The following GPR89A variants were observed in gnomAD, a reference collection of about 807,000 sequenced individuals.
The protein encoded by GPR89A is G protein-coupled receptor 89A.
Under a neutral mutation model 52.0 loss-of-function variants are expected in GPR89A, and 16 were observed. The observed-to-expected ratio is 0.31, with a 90% CI of 0.21 to 0.47. GPR89A has a LOEUF of 0.47. Among genes scored for constraint, GPR89A ranks in the 20% least tolerant of loss-of-function variants. The pLI, the probability that GPR89A is intolerant of heterozygous loss-of-function variation, is 1.00. For missense variants in GPR89A, 135 were observed against 449.4 expected, an observed-to-expected ratio of 0.30 and a Z score of 6.33; for synonymous variants, 55 against 150.9, an observed-to-expected ratio of 0.36 and a Z score of 4.66.
intron 1 of GPR89A, among the ~76,000 whole-genome samples, chr1:145,614,655 A>T (rs1179188872): frequency 6.6e-6 from 1 of 152,044 alleles, no homozygotes; most frequent in African/African-American, 2.4e-5. Context: ...ATGTCAAAAA[A>T]TATTTAAATC....
intron 10 of GPR89A, among the ~76,000 whole-genome samples, chr1:145,654,174 G>A (rs1217046535): frequency 2.6e-5 from 4 of 151,558 alleles, no homozygotes; most frequent in Non-Finnish European, 5.9e-5. Context: ...CTCAGCATTT[G>A]CTTGTCTGAA....
At chr1:145,614,856 G>C (rs1156235712) in intron 1 of GPR89A, among the ~76,000 whole-genome samples, 2 of 152,074 alleles carry the variant, frequency 1.3e-5, no homozygotes, top group Non-Finnish European at 2.9e-5. Flanking sequence ...CGATGTGAAA[G>C]AATATGGATC....
chr1:145,619,303 T>TAAAAAA (rs1190730355), intron 3 of GPR89A, among the ~76,000 whole-genome samples: 1 of 18,650 alleles, frequency 5.4e-5, no homozygotes, highest in African/African-American at 8.4e-5. Context: ...ATTGAAAGGT[T>TAAAAAA]AAAAAAAAAA....
chr1:145,617,114 G>A (rs1361168418), intron 2 of GPR89A, among the ~76,000 whole-genome samples: 3 of 152,046 alleles, frequency 2.0e-5, no homozygotes, highest in Non-Finnish European at 4.4e-5. Context: ...AGGAGACCAG[G>A]GTGTATTTTA....
intron 10 of GPR89A, among the ~76,000 whole-genome samples, chr1:145,657,151 TG>T (rs1651861860): frequency 6.7e-6 from 1 of 150,184 alleles, no homozygotes; most frequent in South Asian, 2.1e-4. Context: ...CCCAGTACTT[TG>T]GGAGGCTGAA....
Position 145,645,401 on chromosome 1 carries a change from A to G in GPR89A, c.728-783A>G, listed in dbSNP as rs116518973. The G allele has an allele frequency of 8.7e-3, 3,128 of 358,068 alleles. 84 individuals are homozygous for G. The highest frequency in any genetic ancestry group is 0.062 in the African/African-American group (2,891 of 46,826). 22.2% of individuals were successfully genotyped at this position (358,068 alleles called of 1,614,324 possible). A position where few individuals can be genotyped will look rare whatever the true frequency, so the allele number is the denominator to read the frequency against. Reference sequence around the variant, plus strand: ...CTGTATTTACTATGTTTATTACTTAAAAGTTCATAAAAGCCAATAATACGG... The same window carrying G: ...CTGTATTTACTATGTTTATTACTTAGAAGTTCATAAAAGCCAATAATACGG... On this transcript the variant is annotated intron_variant, in intron 8 of 13. Transcript: ENST00000313835.
At chr1:145,660,397 G>T (rs1174548902) in intron 10 of GPR89A, among the ~76,000 whole-genome samples, 2 of 152,116 alleles carry the variant, frequency 1.3e-5, no homozygotes, top group African/African-American at 4.8e-5. Flanking sequence ...CATGGGCAAG[G>T]ACTTCATGTC....
At chr1:145,650,183 T>G (rs1414070178) in intron 10 of GPR89A, among the ~76,000 whole-genome samples, 1 of 151,570 alleles carries the variant, frequency 6.6e-6, no homozygotes, top group Non-Finnish European at 1.5e-5. Context: ...TCCCTCCCTG[T>G]GTCTGTGTGT....
chr1:145,669,380 G>GA (rs1431549915), intron 12 of GPR89A, among the ~76,000 whole-genome samples: 2 of 146,526 alleles, frequency 1.4e-5, no homozygotes, highest in Non-Finnish European at 3.0e-5. Flanking sequence ...CATAGTTTCT[G>GA]AAGTTTGATA....
chr1:145,612,023 A>G (rs1312292665), intron 1 of GPR89A, among the ~76,000 whole-genome samples: 1 of 152,102 alleles, frequency 6.6e-6, no homozygotes, highest in Non-Finnish European at 1.5e-5. Flanking sequence ...CCTGAAGGCT[A>G]CTATAGAAAA....
intron 8 of GPR89A, 35 bp from the exon 9 acceptor site, chr1:145,646,149 A>G (rs781939402): frequency 2.5e-6 from 4 of 1,613,646 alleles, no homozygotes; most frequent in East Asian, 2.2e-5. Flanking sequence ...TTGAATTCCT[A>G]TGTGATTAAA....
At chr1:145,656,178 G>A (rs146437748) in intron 10 of GPR89A, among the ~76,000 whole-genome samples, 1 of 152,172 alleles carries the variant, frequency 6.6e-6, no homozygotes, top group Non-Finnish European at 1.5e-5. Context: ...GATGGTGGCT[G>A]TCCCGGGAAC....
At chr1:145,656,564 A>G (rs1417545473) in intron 10 of GPR89A, among the ~76,000 whole-genome samples, 1 of 152,120 alleles carries the variant, frequency 6.6e-6, no homozygotes, top group Non-Finnish European at 1.5e-5. Context: ...TTCATTCTTG[A>G]TAGGAGCAGC....
At chr1:145,657,038 TG>T (rs1191155244) in intron 10 of GPR89A, among the ~76,000 whole-genome samples, 1 of 151,958 alleles carries the variant, frequency 6.6e-6, no homozygotes, top group East Asian at 1.9e-4. Flanking sequence ...AAACCTCACT[TG>T]GTCATGGTGA....
In GPR89A at chr1:145,623,053, G is replaced by C. The variant is rs782705786; in HGVS notation, c.207-1G>C. On this transcript the variant is annotated splice_acceptor_variant, in intron 3 of 13. Coordinates refer to ENST00000313835, the MANE Select transcript of GPR89A (RefSeq NM_001097612.2). LOFTEE classifies it high-confidence loss of function. ...GTGACAGTCTTTGACATTTATTTCA[G>C]CTCCCGTTATTTTCACTGGAAAATG... 23 of 1,607,412 alleles carry C rather than the reference G, an allele frequency of 1.4e-5. No individual in the cohort carries two copies. The highest frequency in any genetic ancestry group is 5.5e-5 in the South Asian group (5 of 90,466).
intron 7 of GPR89A, among the ~76,000 whole-genome samples, chr1:145,638,146 G>A (rs1215145401): frequency 6.7e-6 from 1 of 148,312 alleles, no homozygotes; most frequent in Non-Finnish European, 1.5e-5. Flanking sequence ...CTCCAGCTTG[G>A]GTGACAGAGC....
chr1:145,643,105 C>T lies in GPR89A; in HGVS notation c.618-764C>T, dbSNP rs587668596. On this transcript the variant is annotated intron_variant, in intron 7 of 13. Transcript: ENST00000313835. Reference sequence around the variant, plus strand: ...AAAAGAAGGAAGAAAACATGTATTGCGTTCCAAACTCTGTATTTGGTCCTT... The same window carrying T: ...AAAAGAAGGAAGAAAACATGTATTGTGTTCCAAACTCTGTATTTGGTCCTT... Among the ~76,000 whole-genome samples the T allele has an allele frequency of 5.2e-3, 753 of 144,360 alleles. 3 individuals are homozygous for T. Among genetic ancestry groups the T allele is most frequent in the Middle Eastern group, 0.017 (5 of 290 alleles). 94.7% of individuals were successfully genotyped at this position (144,360 alleles called of 152,430 possible).
At chr1:145,617,138 C>T (rs1374446373) in intron 2 of GPR89A, among the ~76,000 whole-genome samples, 2 of 152,086 alleles carry the variant, frequency 1.3e-5, no homozygotes, top group Non-Finnish European at 1.5e-5. Flanking sequence ...CTATCTCAAC[C>T]GCATAAGACA....
intron 10 of GPR89A, among the ~76,000 whole-genome samples, chr1:145,649,083 C>T (rs200943715): frequency 2.0e-5 from 3 of 152,146 alleles, no homozygotes; most frequent in Non-Finnish European, 2.9e-5. Context: ...GGATTACAGG[C>T]GTGAGCCACT....
Sources: gnomAD v4.1 joint callset for allele counts (sites outside exome capture counted in the v4.1 genomes callset) on GRCh38, gnomAD v4.1.1 for gene constraint, MANE v1.5 for transcripts, NCBI Gene and HGNC (gene_info 2026-07-23, HGNC 2026-07-21) for gene names.